RPS19BP1: variants seen among roughly 807,000 people sequenced by gnomAD.
RPS19BP1 encodes the protein ribosomal protein S19 binding protein 1.
Under a neutral mutation model 16.6 loss-of-function variants are expected in RPS19BP1, and 14 were observed. That is an observed-to-expected ratio of 0.84 (90% CI 0.56 to 1.32). RPS19BP1 has a LOEUF of 1.32. Ranked by LOEUF, RPS19BP1 falls within the 40% of genes most tolerant of loss-of-function variation. The probability of loss-of-function intolerance (pLI) is 0.00; values close to 1 mark genes in which losing one functional copy is unlikely to be tolerated. For missense variants in RPS19BP1, 188 were observed against 178.6 expected, an observed-to-expected ratio of 1.05 and a Z score of -0.30; for synonymous variants, 90 against 77.3, an observed-to-expected ratio of 1.16 and a Z score of -0.86.
intron 3 of RPS19BP1, 28 bp downstream of exon 3, chr22:39,529,792 G>A (rs200028197): frequency 1.2e-6 from 2 of 1,607,876 alleles, no homozygotes; most frequent in East Asian, 2.2e-5. Context: ...CACCTCCCAG[G>A]TCCCTTCCTA....
chr22:39,531,647 G>A (rs879627035), intron 2 of RPS19BP1: 1 of 152,214 alleles, frequency 6.6e-6, no homozygotes, highest in African/African-American at 2.4e-5. Context: ...TGCTGCTATA[G>A]CCACTGCCCA....
At chr22:39,530,553 G>A (rs1234996292) in intron 2 of RPS19BP1, 11 of 289,446 alleles carry the variant, frequency 3.8e-5, no homozygotes, top group South Asian at 5.1e-5. Flanking sequence ...GTGAAACCCC[G>A]TCTGTATTAA....
rs774538855 is a variant in RPS19BP1, at chr22:39,529,557, CCTT to C, written c.343_345del (p.Lys115del). On this transcript the variant is annotated inframe_deletion, in exon 4 of 4. Coordinates refer to ENST00000334678, the MANE Select transcript of RPS19BP1 (RefSeq NM_194326.4). The stretch of plus-strand genomic sequence containing the variant: ...TCCTCGGTGAACACGGTGCCCTCAG[CCTT>C]CTTCTTCTTGGTCTTGGCCACAGGC... The C allele has an allele frequency of 1.5e-5, 25 of 1,614,094 alleles. No individual in the cohort carries two copies. Among genetic ancestry groups the C allele is most frequent in the South Asian group, 3.3e-5 (3 of 91,088 alleles).
chr22:39,529,328 C>A lies in RPS19BP1; in HGVS notation c.*164G>T. ...AATCCTCCCCAGGACTTCCGGCCCA[C>A]CAGCTCCATTCCAGCCTCCACTCGG... On this transcript the variant is annotated 3_prime_UTR_variant, in exon 4 of 4. Coordinates refer to ENST00000334678, the MANE Select transcript of RPS19BP1 (RefSeq NM_194326.4). The A allele has an allele frequency of 3.2e-6, 3 of 938,168 alleles. No individual in the cohort carries two copies. The highest frequency in any genetic ancestry group is 4.7e-6 in the Non-Finnish European group (3 of 636,072). The allele number at this position is 938,168 out of a possible 1,614,324, so 58.1% of individuals were successfully genotyped here.
In RPS19BP1 at chr22:39,532,415, T is replaced by C; in HGVS notation, c.161A>G (p.Lys54Arg). 1 of 1,614,238 alleles carries C rather than the reference T, an allele frequency of 6.2e-7. No homozygotes were observed. Among genetic ancestry groups the C allele is most frequent in the Non-Finnish European group, 8.5e-7 (1 of 1,180,036 alleles). The change falls in exon 2 of 4, where the codon AAG (lysine) becomes AGG (arginine). Residue 54 changes from lysine to arginine, a missense_variant. Transcript: ENST00000334678. ...CTTACCCAGTGCCGACTTGGGCACC[T>C]TTCCCTTGGCCGAGTTCCGCAGTTT... Reference protein sequence around the residue: ...AQKLRNSAKGKVPKSALDEYR... With the variant: ...AQKLRNSAKGRVPKSALDEYR...
Position 39,529,176 on chromosome 22 carries a change from G to T in RPS19BP1, c.*316C>A, listed in dbSNP as rs1372597322. 1 of 372,754 alleles carries T rather than the reference G, an allele frequency of 2.7e-6. No homozygotes were observed. The highest frequency in any genetic ancestry group is 5.0e-6 in the Non-Finnish European group (1 of 200,614). The allele number at this position is 372,754 out of a possible 1,614,324, so 23.1% of individuals were successfully genotyped here. ...GTCGTCCCCAAGGGCTCAGGAATTAGCCTTGCTCCACAGCAAACAGCCCAG... is the reference window on the plus strand; with the variant it reads ...GTCGTCCCCAAGGGCTCAGGAATTATCCTTGCTCCACAGCAAACAGCCCAG... On this transcript the variant is annotated 3_prime_UTR_variant, in exon 4 of 4. Coordinates refer to ENST00000334678, the MANE Select transcript of RPS19BP1 (RefSeq NM_194326.4).
At chr22:39,532,579 G>A in intron 1 of RPS19BP1, 56 bp from the exon 2 acceptor site, 1 of 1,610,980 alleles carries the variant, frequency 6.2e-7, no homozygotes, top group Non-Finnish European at 8.5e-7. Flanking sequence ...GCGTTCCCAT[G>A]CCACTGGGGC....
Position 39,532,436 on chromosome 22 carries a change from A to T in RPS19BP1, c.140T>A (p.Leu47Gln), listed in dbSNP as rs1931338434. Residue 47 changes from leucine to glutamine, a missense_variant, in exon 2 of 4, where the codon CTG (leucine) becomes CAG (glutamine). By Grantham distance (113) the Leu-to-Gln change is moderately radical. Coordinates refer to ENST00000334678, the MANE Select transcript of RPS19BP1 (RefSeq NM_194326.4). ...CACCTTTCCCTTGGCCGAGTTCCGC[A>T]GTTTCTGGGCCTGAATTGCCTTCGT... ...RKTKAIQAQK[L>Q]RNSAKGKVPK... 1 of 1,614,176 alleles carries T rather than the reference A, an allele frequency of 6.2e-7. No homozygotes were observed. Among genetic ancestry groups the T allele is most frequent in the East Asian group, 2.2e-5 (1 of 44,888 alleles).
Position 39,532,517 on chromosome 22 carries a change from C to T in RPS19BP1, c.59G>A (p.Arg20Gln). 1.2e-6 allele frequency: 2 copies of T among 1,613,922 alleles called. No homozygotes were observed. The highest frequency in any genetic ancestry group is 2.2e-5 in the East Asian group (1 of 44,884). ...LELLAASEAP[R>Q]DPPGQAKPRG... ...CGGCTTGGCCTGACCTGGAGGGTCCCGGGGGGCTGTAGGGGAAGAGAGAGG... is the reference window on the plus strand; with the variant it reads ...CGGCTTGGCCTGACCTGGAGGGTCCTGGGGGGCTGTAGGGGAAGAGAGAGG... The change falls in exon 2 of 4, where the codon CGG becomes CAG. Residue 20 changes from arginine (R) to glutamine (Q), a missense_variant. Arg to Gln is a conservative substitution (Grantham distance 43). Transcript: ENST00000334678.
rs1470190366 is a variant in RPS19BP1, at chr22:39,532,445, G to A, written c.131C>T (p.Ala44Val). 2 of 1,614,238 alleles carry A rather than the reference G, an allele frequency of 1.2e-6. No homozygotes were observed. Among genetic ancestry groups the A allele is most frequent in the South Asian group, 1.1e-5 (1 of 91,090 alleles). ...CTTGGCCGAGTTCCGCAGTTTCTGG[G>A]CCTGAATTGCCTTCGTCTTCCGGGG... is the stretch of plus-strand genomic sequence containing the variant. Reference protein sequence around the residue: ...KRPRKTKAIQAQKLRNSAKGK... With the variant: ...KRPRKTKAIQVQKLRNSAKGK... The change falls in exon 2 of 4, where the codon GCC (alanine) becomes GTC (valine). Residue 44 changes from alanine (A) to valine (V), a missense_variant. Transcript: ENST00000334678.
At chr22:39,532,571 G>T in intron 1 of RPS19BP1, 48 bp from the exon 2 acceptor site, 5 of 1,611,400 alleles carry the variant, frequency 3.1e-6, no homozygotes, top group Non-Finnish European at 4.2e-6. Context: ...GGCGCGCAGC[G>T]TTCCCATGCC....
At chr22:39,530,411 ATG>A (rs1479282638) in intron 2 of RPS19BP1, 12 of 224,214 alleles carry the variant, frequency 5.4e-5, no homozygotes, top group East Asian at 3.3e-4. Flanking sequence ...AATGTGTCAA[ATG>A]TGTTTGAAAA....
chr22:39,532,435 C>T lies in RPS19BP1; in HGVS notation c.141G>A (p.Leu47=). ...RKTKAIQAQK[L]RNSAKGKVPK... is the part of the protein sequence containing the mutation. ...GCACCTTTCCCTTGGCCGAGTTCCG[C>T]AGTTTCTGGGCCTGAATTGCCTTCG... The change falls in exon 2 of 4, where the codon CTG becomes CTA. Residue 47 remains leucine, a synonymous_variant. Transcript: ENST00000334678. 6.2e-7 allele frequency: 1 copy of T among 1,614,254 alleles called. No individual in the cohort carries two copies. The highest frequency in any genetic ancestry group is 8.5e-7 in the Non-Finnish European group (1 of 1,180,038).
At chr22:39,530,393 G>A in intron 2 of RPS19BP1, 1 of 222,182 alleles carries the variant, frequency 4.5e-6, no homozygotes, top group South Asian at 4.3e-5. Flanking sequence ...CAAAGGCCCT[G>A]AAGCAGAAAT....
chr22:39,532,142 A>C, intron 2 of RPS19BP1: 1 of 496,640 alleles, frequency 2.0e-6, no homozygotes, highest in Non-Finnish European at 3.6e-6. Flanking sequence ...CATAGGCTTC[A>C]ATGCACTTAG....
At chr22:39,532,630 C>A in intron 1 of RPS19BP1, 57 bp downstream of exon 1, 2 of 1,592,764 alleles carry the variant, frequency 1.3e-6, no homozygotes, top group Non-Finnish European at 1.7e-6. Flanking sequence ...GGCTCCCGCC[C>A]GCAGCCACTA....
At chr22:39,529,766 G>C (rs974956062) in intron 3 of RPS19BP1, 54 bp downstream of exon 3, 1 of 1,600,544 alleles carries the variant, frequency 6.2e-7, no homozygotes, top group Non-Finnish European at 8.6e-7. Flanking sequence ...GTCCCTAGGG[G>C]AACAGCCTCG....
At chr22:39,529,657 T>G in intron 3 of RPS19BP1, 34 bp from the exon 4 acceptor site, 1 of 1,611,176 alleles carries the variant, frequency 6.2e-7, no homozygotes, top group South Asian at 1.1e-5. Flanking sequence ...GCCCATCATT[T>G]CAAGAGCAGA....
chr22:39,530,323 GA>G, intron 2 of RPS19BP1: 1 of 236,460 alleles, frequency 4.2e-6, no homozygotes, highest in South Asian at 4.5e-5. Flanking sequence ...GAAATGACTC[GA>G]AGAGAGCTGT....
Sources: allele counts gnomAD v4.1 joint callset, GRCh38; gene constraint gnomAD v4.1.1; transcripts MANE v1.5; gene names NCBI Gene and HGNC (gene_info 2026-07-23, HGNC 2026-07-21).